Variants in DAB1 observed in about 807,000 individuals in gnomAD.
DAB1 encodes disabled homolog 1.
A neutral mutation model predicts 64.6 loss-of-function variants in DAB1; 15 were observed. That is an observed-to-expected ratio of 0.23 (90% CI 0.16 to 0.36). The LOEUF is 0.36. Ranked by LOEUF, DAB1 falls within the 10% of genes least tolerant of loss-of-function variation. DAB1 has a pLI of 1.00. For missense variants in DAB1, 596 were observed against 706.7 expected, an observed-to-expected ratio of 0.84 and a Z score of 1.78; for synonymous variants, 235 against 251.9, an observed-to-expected ratio of 0.93 and a Z score of 0.64.
At chr1:57,905,998 C>T (rs971730519) in intron 5 of DAB1, among the ~76,000 whole-genome samples, 11 of 152,130 alleles carry the variant, frequency 7.2e-5, no homozygotes, top group Admixed American at 2.6e-4. Context: ...AACAGCATCT[C>T]GACTGGGGCA....
Position 57,588,992 on chromosome 1 carries a change from T to G in DAB1, n.625+60600A>C, listed in dbSNP as rs374940835. On this transcript the variant is annotated intron_variant and non_coding_transcript_variant, in intron 7 of 20. Coordinates refer to the DAB1 transcript ENST00000485760. ...GGCTCACGCCTGTAATCCCAGCACT[T>G]CGGGAGGCCGAGGCAGGTGGATCAC... Among the ~76,000 whole-genome samples the G allele has an allele frequency of 3.9e-5, 6 of 152,312 alleles. No individual in the cohort carries two copies. The East Asian group carries it at 1.2e-3, about 29-fold the overall frequency.
intron 3 of DAB1, among the ~76,000 whole-genome samples, chr1:58,411,762 C>A (rs915073343): frequency 6.6e-6 from 1 of 152,176 alleles, no homozygotes; most frequent in Admixed American, 6.5e-5. Context: ...TATGGAAAAT[C>A]CTTTCTGTCT....
chr1:57,556,538 G>A (rs796948084), intron 7 of DAB1, among the ~76,000 whole-genome samples: 9 of 152,146 alleles, frequency 5.9e-5, no homozygotes, highest in African/African-American at 1.9e-4. Flanking sequence ...TAGTGATGCT[G>A]AGCATTTTTT....
At chr1:57,850,597 C>T (rs1653477972) in intron 1 of DAB1, among the ~76,000 whole-genome samples, 1 of 152,192 alleles carries the variant, frequency 6.6e-6, no homozygotes, top group Admixed American at 6.5e-5. Context: ...TGTGGCTCCC[C>T]TCCCATGTCC....
chr1:57,977,384 G>A (rs1299702807), intron 5 of DAB1, among the ~76,000 whole-genome samples: 1 of 152,138 alleles, frequency 6.6e-6, no homozygotes, highest in East Asian at 1.9e-4. Context: ...CCTCTTTAGA[G>A]GAAGAAAATA....
At chr1:57,568,600 T>A (rs1209520510) in intron 7 of DAB1, among the ~76,000 whole-genome samples, 1 of 151,852 alleles carries the variant, frequency 6.6e-6, no homozygotes, top group Non-Finnish European at 1.5e-5. Flanking sequence ...AACAACCTCA[T>A]CAAAAACCGG....
At position 57,255,315 on chromosome 1, in the gene DAB1, C is replaced by T. The variant is rs12568708; in HGVS notation, c.67+35649G>A. Among the ~76,000 whole-genome samples the T allele has an allele frequency of 7.6e-3, 1,150 of 152,282 alleles. 29 individuals are homozygous for T. The East Asian group carries it at 0.078, about 10-fold the overall frequency. On this transcript the variant is annotated intron_variant, in intron 2 of 14. Coordinates refer to ENST00000371236, the MANE Select transcript of DAB1 (RefSeq NM_001365792.1). ...TACTTTATCTTCTATGAATCCCAAA[C>T]AATGCATCTCCTCTAGCATGACAAC...
intron 7 of DAB1, among the ~76,000 whole-genome samples, chr1:57,637,783 A>G (rs988169029): frequency 1.3e-5 from 2 of 152,244 alleles, no homozygotes; most frequent in Non-Finnish European, 2.9e-5. Flanking sequence ...TCTTAAGGCA[A>G]TAACAACAAA....
intron 7 of DAB1, among the ~76,000 whole-genome samples, chr1:57,487,025 G>C (rs570504376): frequency 6.6e-5 from 10 of 152,144 alleles, no homozygotes; most frequent in Admixed American, 4.6e-4. Flanking sequence ...CCCAAGGAGG[G>C]GAACAGAGAC....
At chr1:57,008,550 C>G (rs1300922105) in intron 14 of DAB1, among the ~76,000 whole-genome samples, 1 of 152,094 alleles carries the variant, frequency 6.6e-6, no homozygotes, top group East Asian at 1.9e-4. Flanking sequence ...CATAATAACC[C>G]TATGAGGTGG....
intron 1 of DAB1, among the ~76,000 whole-genome samples, chr1:58,545,395 C>CA (rs1646685218): frequency 6.6e-6 from 1 of 152,102 alleles, no homozygotes; most frequent in Non-Finnish European, 1.5e-5. Flanking sequence ...TGAATAGAAA[C>CA]AGTGCCTGAT....
intron 7 of DAB1, among the ~76,000 whole-genome samples, chr1:57,480,113 C>T (rs1470721722): frequency 6.7e-6 from 1 of 148,470 alleles, no homozygotes; most frequent in African/African-American, 2.5e-5. Context: ...GATCGCGCCA[C>T]TGCACTCCAG....
chr1:57,333,013 C>T (rs1676800044), intron 1 of DAB1, among the ~76,000 whole-genome samples: 1 of 152,158 alleles, frequency 6.6e-6, no homozygotes, highest in Non-Finnish European at 1.5e-5. Flanking sequence ...GTTTCTTTCC[C>T]ATCCCGTAGA....
intron 3 of DAB1, among the ~76,000 whole-genome samples, chr1:58,407,970 C>T (rs1295815852): frequency 6.6e-6 from 1 of 152,178 alleles, no homozygotes; most frequent in Admixed American, 6.5e-5. Context: ...CTACTACTTG[C>T]CTCCTCACTC....
intron 4 of DAB1, among the ~76,000 whole-genome samples, chr1:57,122,938 G>C (rs557913087): frequency 1.3e-5 from 2 of 152,040 alleles, no homozygotes; most frequent in African/African-American, 4.8e-5. Context: ...TCCAAAGAGC[G>C]CCTGAGTCAT....
chr1:57,800,720 C>T (rs1025687772), intron 6 of DAB1, among the ~76,000 whole-genome samples: 1 of 152,084 alleles, frequency 6.6e-6, no homozygotes, highest in Non-Finnish European at 1.5e-5. Flanking sequence ...TAATTTTCAC[C>T]CCCACCCCAA....
At position 57,681,701 on chromosome 1, in the gene DAB1, T is replaced by C. The variant is rs142866367; in HGVS notation, n.552-32036A>G. 8.7e-4 allele frequency among the ~76,000 whole-genome samples: 132 copies of C among 152,274 alleles called. 2 individuals are homozygous for C. Among genetic ancestry groups the C allele is most frequent in the African/African-American group, 3.1e-3 (127 of 41,558 alleles). On this transcript the variant is annotated intron_variant and non_coding_transcript_variant, in intron 6 of 20. Transcript: ENST00000485760. ...TGTCAGTAGATAAGACATTTTAAAA[T>C]TCTCTGAAAAATAGAGAGGAGGGAG...
chr1:57,913,391 A>G (rs1433792314), intron 5 of DAB1, among the ~76,000 whole-genome samples: 1 of 152,248 alleles, frequency 6.6e-6, no homozygotes, highest in Non-Finnish European at 1.5e-5. Context: ...GGCTAGCCAT[A>G]TGTAGAAAGC....
intron 1 of DAB1, among the ~76,000 whole-genome samples, chr1:57,404,361 T>C (rs550448766): frequency 6.6e-6 from 1 of 152,334 alleles, no homozygotes; most frequent in East Asian, 1.9e-4. Context: ...TGCTAAATGC[T>C]TAATGCAATA....
Sources: allele counts gnomAD v4.1 joint callset (sites outside exome capture counted in the v4.1 genomes callset), GRCh38; gene constraint gnomAD v4.1.1; transcripts MANE v1.5; gene names NCBI Gene and HGNC (gene_info 2026-07-23, HGNC 2026-07-21).